The following RPH3A variants were observed in gnomAD, a reference collection of about 807,000 sequenced individuals.
The protein encoded by RPH3A is rabphilin-3A.
Under a neutral mutation model 102.2 loss-of-function variants are expected in RPH3A, and 48 were observed. The ratio of observed to expected loss-of-function variants is 0.47; its 90% CI spans 0.37 to 0.60. RPH3A has a LOEUF of 0.60. Ranked by LOEUF, RPH3A falls within the 20% of genes least tolerant of loss-of-function variation. The pLI is 0.00. For missense variants in RPH3A, 781 were observed against 910.1 expected (o/e 0.86, Z 1.83); for synonymous variants, 310 against 324.3 (o/e 0.96, Z 0.47).
chr12:112,681,650 A>C (rs2040226938), intron 1 of RPH3A, among the ~76,000 whole-genome samples: 1 of 152,200 alleles, frequency 6.6e-6, no homozygotes. Flanking sequence ...TTAGTGAATA[A>C]TGACTTTTTT....
At chr12:112,644,182 T>A (rs914768731) in intron 1 of RPH3A, among the ~76,000 whole-genome samples, 5 of 152,040 alleles carry the variant, frequency 3.3e-5, no homozygotes, top group Non-Finnish European at 7.3e-5. Context: ...TATAAGAGAT[T>A]ACCTAATGGT....
intron 4 of RPH3A, among the ~76,000 whole-genome samples, chr12:112,844,837 G>A (rs1191348086): frequency 6.6e-6 from 1 of 152,214 alleles, no homozygotes; most frequent in Non-Finnish European, 1.5e-5. Context: ...TGGCTGGGCA[G>A]CCCTGACACA....
chr12:112,717,157 G>T (rs1163851036), intron 1 of RPH3A, among the ~76,000 whole-genome samples: 1 of 152,134 alleles, frequency 6.6e-6, no homozygotes, highest in Non-Finnish European at 1.5e-5. Flanking sequence ...ATCTCAATTT[G>T]TTTAGTTTTT....
intron 2 of RPH3A, 97 bp from the exon 3 acceptor site, chr12:112,828,204 C>A: frequency 1.2e-6 from 1 of 813,336 alleles, no homozygotes; most frequent in Non-Finnish European, 2.1e-6. Flanking sequence ...TCTCTGTCTT[C>A]TCTATCCCAC....
chr12:112,836,954 G>A (rs1256504267), intron 4 of RPH3A, among the ~76,000 whole-genome samples: 1 of 152,186 alleles, frequency 6.6e-6, no homozygotes, highest in Non-Finnish European at 1.5e-5. Context: ...CCTCATCAGA[G>A]GTCATCCTGA....
chr12:112,757,818 T>C (rs1208661736), intron 1 of RPH3A, among the ~76,000 whole-genome samples: 1 of 152,086 alleles, frequency 6.6e-6, no homozygotes, highest in Non-Finnish European at 1.5e-5. Flanking sequence ...ACTGGGAACA[T>C]TAAGAGGTGA....
At chr12:112,644,640 T>G (rs929885847) in intron 1 of RPH3A, among the ~76,000 whole-genome samples, 2 of 152,238 alleles carry the variant, frequency 1.3e-5, no homozygotes, top group African/African-American at 2.4e-5. Context: ...ATATGCCAGG[T>G]ACTTTCATAT....
At chr12:112,821,977 A>G (rs2041789103) in intron 2 of RPH3A, among the ~76,000 whole-genome samples, 1 of 152,048 alleles carries the variant, frequency 6.6e-6, no homozygotes, top group South Asian at 2.1e-4. Flanking sequence ...TACCCTTAAA[A>G]AAAAAAAAAC....
intron 1 of RPH3A, chr12:112,591,502 T>A (rs990407622): frequency 2.0e-5 from 3 of 152,216 alleles, no homozygotes; most frequent in Non-Finnish European, 4.4e-5. Flanking sequence ...CTCTGGTGAG[T>A]TTTATTTTAT....
intron 1 of RPH3A, among the ~76,000 whole-genome samples, chr12:112,716,636 T>A (rs555627898): frequency 1.6e-4 from 24 of 152,172 alleles, no homozygotes; most frequent in Non-Finnish European, 3.2e-4. Context: ...TTCACCCGTG[T>A]CTCATTGGCC....
chr12:112,897,979 A>T lies in RPH3A; in HGVS notation c.*1199A>T, dbSNP rs1424351078. 1 of 152,078 alleles carries T rather than the reference A, an allele frequency of 6.6e-6. No homozygotes were observed. Among genetic ancestry groups the T allele is most frequent in the African/African-American group, 2.4e-5 (1 of 41,352 alleles). 9.4% of individuals were successfully genotyped at this position (152,078 alleles called of 1,614,324 possible). On this transcript the variant is annotated 3_prime_UTR_variant, in exon 22 of 22. Transcript: ENST00000389385. Reference sequence around the variant, plus strand: ...CCGCTCTTAGGTAAATGAACAAGCTACCCTCCTCCCCAATGCCCTTGACTC... The same window carrying T: ...CCGCTCTTAGGTAAATGAACAAGCTTCCCTCCTCCCCAATGCCCTTGACTC...
At chr12:112,719,395 T>C (rs953731203) in intron 1 of RPH3A, among the ~76,000 whole-genome samples, 2 of 152,152 alleles carry the variant, frequency 1.3e-5, no homozygotes, top group Admixed American at 6.5e-5. Flanking sequence ...AGTTATCCCA[T>C]CTGAGAGGTG....
chr12:112,833,560 C>CT (rs71301365), intron 3 of RPH3A, among the ~76,000 whole-genome samples: 5 of 151,760 alleles, frequency 3.3e-5, no homozygotes, highest in South Asian at 2.1e-4. Flanking sequence ...AACACTTTAG[C>CT]CCCCTGGAAT....
At chr12:112,634,221 G>A (rs57438341) in intron 1 of RPH3A, among the ~76,000 whole-genome samples, 36,951 of 54,858 alleles carry the variant, frequency 0.67, 12,923 homozygotes, top group African/African-American at 0.81. Context: ...AGTGGCGGGC[G>A]CCTGTAGTCC....
intron 1 of RPH3A, among the ~76,000 whole-genome samples, chr12:112,766,771 A>G (rs1271984858): frequency 6.6e-6 from 1 of 152,168 alleles, no homozygotes; most frequent in Non-Finnish European, 1.5e-5. Context: ...AAGGGATCCA[A>G]GGGGATGAGT....
chr12:112,693,485 T>C (rs562802965), intron 1 of RPH3A, among the ~76,000 whole-genome samples: 1 of 152,362 alleles, frequency 6.6e-6, no homozygotes, highest in South Asian at 2.1e-4. Context: ...AGTCTGCCTT[T>C]CTTACCTTGG....
intron 2 of RPH3A, among the ~76,000 whole-genome samples, chr12:112,804,304 T>C (rs2041415398): frequency 6.6e-6 from 1 of 152,156 alleles, no homozygotes; most frequent in Non-Finnish European, 1.5e-5. Flanking sequence ...ATGGTGAATT[T>C]GGTGGTCTCA....
At chr12:112,590,634 A>G (rs893824210) in intron 1 of RPH3A, among the ~76,000 whole-genome samples, 14 of 152,204 alleles carry the variant, frequency 9.2e-5, no homozygotes, top group African/African-American at 3.4e-4. Flanking sequence ...CGCTGGATGA[A>G]TTTGAATGGC....
chr12:112,817,547 CGT>C (rs145135682), intron 2 of RPH3A, among the ~76,000 whole-genome samples: 6 of 148,786 alleles, frequency 4.0e-5, no homozygotes, highest in Admixed American at 6.7e-5. Flanking sequence ...GAAATGCACA[CGT>C]GTGTGTGTGT....
Sources: gnomAD v4.1 joint callset for allele counts (sites outside exome capture counted in the v4.1 genomes callset) on GRCh38, gnomAD v4.1.1 for gene constraint, MANE v1.5 for transcripts, NCBI Gene and HGNC (gene_info 2026-07-23, HGNC 2026-07-21) for gene names.